The following POLR3B variants were observed in gnomAD, a reference collection of about 807,000 sequenced individuals.
POLR3B encodes DNA-directed RNA polymerase III subunit RPC2.
A neutral mutation model predicts 147.4 loss-of-function variants in POLR3B; 96 were observed. The ratio of observed to expected loss-of-function variants is 0.65; its 90% CI spans 0.55 to 0.77. The LOEUF is 0.77. Ranked by LOEUF, POLR3B falls within the 30% of genes least tolerant of loss-of-function variation. POLR3B has a pLI of 0.00. For missense variants in POLR3B, 1,036 were observed against 1,413.5 expected (o/e 0.73, Z 4.28); for synonymous variants, 461 against 485.9 (o/e 0.95, Z 0.67).
chr12:106,508,874 G>GTTTTT (rs2038731258), intron 27 of POLR3B, among the ~76,000 whole-genome samples: 1 of 152,222 alleles, frequency 6.6e-6, no homozygotes, highest in Non-Finnish European at 1.5e-5. Context: ...CCATTTGATT[G>GTTTTT]AATACCACTG....
intron 6 of POLR3B, among the ~76,000 whole-genome samples, chr12:106,375,184 G>A (rs1017438703): frequency 6.6e-6 from 1 of 152,184 alleles, no homozygotes; most frequent in Non-Finnish European, 1.5e-5. Flanking sequence ...TGTGTCATTG[G>A]TTGTTGTGAA....
chr12:106,386,788 T>G (rs1352720048), intron 9 of POLR3B, among the ~76,000 whole-genome samples: 2 of 151,856 alleles, frequency 1.3e-5, no homozygotes, highest in Non-Finnish European at 2.9e-5. Context: ...GTGCCTGTAG[T>G]CCCAGCTACT....
At chr12:106,358,031 A>AG (rs2036412364) in intron 1 of POLR3B, 80 bp downstream of exon 1, 25 of 1,576,168 alleles carry the variant, frequency 1.6e-5, no homozygotes, top group Middle Eastern at 2.3e-4. Flanking sequence ...CGGGCCGCCA[A>AG]GGGGGCGGGC....
intron 23 of POLR3B, among the ~76,000 whole-genome samples, chr12:106,477,955 AGTGC>A (rs1268653071): frequency 8.9e-6 from 1 of 112,610 alleles, no homozygotes. Flanking sequence ...CCCAGGCTGG[AGTGC>A]AGTGGCTCGA....
rs763829196 is a variant in POLR3B, at chr12:106,366,516, G to A, written c.106G>A (p.Val36Met). The A allele has an allele frequency of 6.2e-6, 10 of 1,605,110 alleles. No individual in the cohort carries two copies. The highest frequency in any genetic ancestry group is 7.7e-6 in the Non-Finnish European group (9 of 1,172,882). Residue 36 changes from valine (V) to methionine (M), a missense_variant and splice_region_variant, in exon 3 of 28, where the codon GTG becomes ATG. Val to Met is a conservative substitution (Grantham distance 21). Around this residue, in one of 12 missense-constraint regions of POLR3B, gnomAD observed 150 missense variants for 145.5 expected, o/e 1.03. Coordinates refer to ENST00000228347, the MANE Select transcript of POLR3B (RefSeq NM_018082.6). ...KWRLLPAFLK[V>M]KGLVKQHIDS... ...TTACTTTCTCTTTCTATCTGTTTAG[G>A]TGAAAGGCCTTGTGAAACAGCATAT...
chr12:106,483,576 T>A (rs2038298418), intron 23 of POLR3B, among the ~76,000 whole-genome samples: 1 of 152,250 alleles, frequency 6.6e-6, no homozygotes, highest in Admixed American at 6.5e-5. Context: ...TCTTAGAGTT[T>A]GAAAAGTCCT....
chr12:106,462,089 A>G (rs1209609953), intron 22 of POLR3B, among the ~76,000 whole-genome samples: 1 of 151,686 alleles, frequency 6.6e-6, no homozygotes, highest in Non-Finnish European at 1.5e-5. Flanking sequence ...ACACACACCA[A>G]TCCTGTCGTT....
intron 9 of POLR3B, among the ~76,000 whole-genome samples, chr12:106,391,915 G>A (rs1443644335): frequency 1.3e-5 from 2 of 152,166 alleles, no homozygotes; most frequent in Admixed American, 1.3e-4. Flanking sequence ...CTTCTCTACA[G>A]CTGAAGGAAG....
At position 106,470,248 on chromosome 12, in the gene POLR3B, T is replaced by C. The variant is rs538751249; in HGVS notation, c.2713+6628T>C. On this transcript the variant is annotated intron_variant, in intron 23 of 27. Transcript: ENST00000228347. The stretch of plus-strand genomic sequence containing the variant: ...TTCTTCCGCTTGATCGAATTGGCTA[T>C]TGAAGCTTGTGTATGCTTCACGAAG... Among the ~76,000 whole-genome samples the C allele has an allele frequency of 4.4e-3, 675 of 152,236 alleles. 4 individuals are homozygous for C. Among genetic ancestry groups the C allele is most frequent in the African/African-American group, 0.016 (649 of 41,552 alleles).
intron 23 of POLR3B, among the ~76,000 whole-genome samples, chr12:106,465,770 C>T (rs186724808): frequency 1.7e-4 from 26 of 152,274 alleles, no homozygotes; most frequent in Admixed American, 7.8e-4. Flanking sequence ...GCTTCATCCA[C>T]GTCCCTGCAA....
chr12:106,412,796 T>TTA (rs1335605944), intron 12 of POLR3B, among the ~76,000 whole-genome samples: 1 of 152,220 alleles, frequency 6.6e-6, no homozygotes, highest in Non-Finnish European at 1.5e-5. Context: ...ACTTGCAGTC[T>TTA]AACAAGGCAA....
chr12:106,434,413 G>A (rs1448599803), intron 16 of POLR3B, among the ~76,000 whole-genome samples: 1 of 152,138 alleles, frequency 6.6e-6, no homozygotes, highest in African/African-American at 2.4e-5. Flanking sequence ...TAACTTGGAG[G>A]TAGGTGGGGA....
chr12:106,378,049 C>T (rs772142836), intron 7 of POLR3B, among the ~76,000 whole-genome samples: 24 of 152,152 alleles, frequency 1.6e-4, no homozygotes, highest in Non-Finnish European at 3.2e-4. Flanking sequence ...GATTGTGCCA[C>T]TGCACTCCAG....
chr12:106,452,935 T>A lies in POLR3B; in HGVS notation c.2084-1567T>A, dbSNP rs111295307. Among the ~76,000 whole-genome samples, 1,470 of 152,270 alleles carry A rather than the reference T, an allele frequency of 9.7e-3. 23 individuals are homozygous for A. Among genetic ancestry groups the A allele is most frequent in the African/African-American group, 0.034 (1,403 of 41,552 alleles). The stretch of plus-strand genomic sequence containing the variant: ...ATCTATAATAAGCATGGCACTGCAC[T>A]AGGTATTCCCTACATATGTACTATT... On this transcript the variant is annotated intron_variant, in intron 19 of 27. Coordinates refer to ENST00000228347, the MANE Select transcript of POLR3B (RefSeq NM_018082.6).
chr12:106,379,931 TC>T (rs2036736205), intron 8 of POLR3B, 99 bp from the exon 9 acceptor site: 1 of 737,112 alleles, frequency 1.4e-6, no homozygotes, highest in Non-Finnish European at 2.5e-6. Flanking sequence ...TTGTTGTTGA[TC>T]AGTTGACCCT....
intron 14 of POLR3B, among the ~76,000 whole-genome samples, chr12:106,431,107 A>G (rs116804575): frequency 0.02 from 3,066 of 152,210 alleles, 102 homozygotes; most frequent in African/African-American, 0.067. Flanking sequence ...CAAGCTCCTA[A>G]CATAGAGCCT....
Position 106,379,893 on chromosome 12 carries a change from A to T in POLR3B, c.615-138A>T, listed in dbSNP as rs1418925453. On this transcript the variant is annotated intron_variant, in intron 8 of 27. Coordinates refer to ENST00000228347, the MANE Select transcript of POLR3B (RefSeq NM_018082.6). ...AGGGCAGGAAAGGAATTGTCTTTTTAAAGTACTTATTAGAAAGGACCTTGT... is the reference window on the plus strand; with the variant it reads ...AGGGCAGGAAAGGAATTGTCTTTTTTAAGTACTTATTAGAAAGGACCTTGT... 2.1e-5 allele frequency: 14 copies of T among 672,866 alleles called. 1 individual carries two copies. The Admixed American group carries it at 2.6e-4, about 13-fold the overall frequency. The allele number at this position is 672,866 out of a possible 1,614,324, so 41.7% of individuals were successfully genotyped here.
At chr12:106,451,044 A>G (rs533726068) in intron 19 of POLR3B, among the ~76,000 whole-genome samples, 48 of 152,314 alleles carry the variant, frequency 3.2e-4, no homozygotes, top group African/African-American at 1.1e-3. Context: ...CATAAATCTC[A>G]GGATCATTAT....
intron 9 of POLR3B, among the ~76,000 whole-genome samples, chr12:106,383,720 C>T (rs1296349098): frequency 2.6e-5 from 4 of 152,094 alleles, no homozygotes; most frequent in African/African-American, 9.7e-5. Context: ...TAGCTCACGC[C>T]TATAATCCCA....
Sources: allele counts gnomAD v4.1 joint callset (sites outside exome capture counted in the v4.1 genomes callset), GRCh38; gene constraint gnomAD v4.1.1; regional missense constraint gnomAD v4.1.1; transcripts MANE v1.5; gene names NCBI Gene and HGNC (gene_info 2026-07-23, HGNC 2026-07-21).